Variants in CSMD1 observed in about 807,000 individuals in gnomAD.
The protein encoded by CSMD1 is CUB and sushi domain-containing protein 1.
CSMD1 carries 213 observed loss-of-function variants against 417.5 expected under a neutral mutation model. The ratio of observed to expected loss-of-function variants is 0.51; its 90% CI spans 0.46 to 0.57. The LOEUF is 0.57. Ranked by LOEUF, CSMD1 falls within the 20% of genes least tolerant of loss-of-function variation. The probability of loss-of-function intolerance (pLI) is 0.00; values close to 1 mark genes in which losing one functional copy is unlikely to be tolerated. For synonymous variants in CSMD1, 2,862 were observed against 1,736.8 expected (o/e 1.65, Z -16.11); for missense variants, 6,923 against 4,529.7 (o/e 1.53, Z -15.17).
chr8:4,032,401 C>A (rs188633024), intron 3 of CSMD1, among the ~76,000 whole-genome samples: 1 of 151,832 alleles, frequency 6.6e-6, no homozygotes, highest in East Asian at 1.9e-4. Flanking sequence ...TTTCTAGTCA[C>A]AAAATTCTAC....
intron 10 of CSMD1, among the ~76,000 whole-genome samples, chr8:3,517,833 G>T (rs113961300): frequency 6.6e-6 from 1 of 152,042 alleles, no homozygotes; most frequent in East Asian, 1.9e-4. Flanking sequence ...AACACCCAAC[G>T]ACCCATCCTA....
chr8:4,611,344 T>C (rs1801157394), intron 2 of CSMD1, among the ~76,000 whole-genome samples: 1 of 152,216 alleles, frequency 6.6e-6, no homozygotes, highest in South Asian at 2.1e-4. Context: ...CAAAGCTCAC[T>C]TCATGGTTAT....
chr8:4,242,172 G>A (rs1033187472), intron 3 of CSMD1, among the ~76,000 whole-genome samples: 3 of 152,086 alleles, frequency 2.0e-5, no homozygotes, highest in African/African-American at 4.8e-5. Context: ...ATCCTTCTCA[G>A]AATGGTATAT....
At chr8:4,694,414 T>A (rs1382541302) in intron 1 of CSMD1, among the ~76,000 whole-genome samples, 4 of 152,028 alleles carry the variant, frequency 2.6e-5, no homozygotes, top group Non-Finnish European at 5.9e-5. Flanking sequence ...TGCAGTCGTG[T>A]GATCTTGGGT....
At chr8:2,998,846 G>C (rs936147899) in intron 53 of CSMD1, among the ~76,000 whole-genome samples, 6 of 152,148 alleles carry the variant, frequency 3.9e-5, no homozygotes, top group Non-Finnish European at 8.8e-5. Context: ...TAAAACTGGT[G>C]TTTTCTTCCT....
At chr8:4,385,562 A>G (rs1343906425) in intron 3 of CSMD1, among the ~76,000 whole-genome samples, 1 of 152,180 alleles carries the variant, frequency 6.6e-6, no homozygotes, top group Non-Finnish European at 1.5e-5. Flanking sequence ...GCACATTACT[A>G]CAGTGTATTG....
chr8:2,987,962 G>A (rs2721284), intron 54 of CSMD1, among the ~76,000 whole-genome samples: 1,957 of 136,958 alleles, frequency 0.014, 39 homozygotes, highest in African/African-American at 0.049. Flanking sequence ...GTGTACCATG[G>A]GGGTTGGCTG....
intron 7 of CSMD1, among the ~76,000 whole-genome samples, chr8:3,620,003 G>A (rs540467488): frequency 6.6e-6 from 1 of 152,290 alleles, no homozygotes; most frequent in East Asian, 1.9e-4. Flanking sequence ...TTGGGAGGCT[G>A]AGACAGGAGA....
rs556696111 is a variant in CSMD1 at position 4,902,837 on chromosome 8, ATATTTT to A, written c.85+91489_85+91494del. ...TTTCACAAAATATACATACATACAC[ATATTTT>A]TATTTTTATCATTTATGTTTTTTCT... On this transcript the variant is annotated intron_variant, in intron 1 of 69. Transcript: ENST00000635120. 5.1e-3 allele frequency among the ~76,000 whole-genome samples: 769 copies of A among 152,076 alleles called. 5 individuals carry two copies. The highest frequency in any genetic ancestry group is 0.018 in the African/African-American group (740 of 41,534).
chr8:3,426,692 A>T (rs1416166415), intron 12 of CSMD1, among the ~76,000 whole-genome samples: 1 of 152,220 alleles, frequency 6.6e-6, no homozygotes, highest in African/African-American at 2.4e-5. Flanking sequence ...CTTACATTAC[A>T]AACCACTAAG....
At chr8:4,451,542 G>T (rs184996081) in intron 2 of CSMD1, among the ~76,000 whole-genome samples, 1 of 152,174 alleles carries the variant, frequency 6.6e-6, no homozygotes, top group African/African-American at 2.4e-5. Flanking sequence ...AGTGACTCTG[G>T]AAAGGTAAAG....
intron 5 of CSMD1, among the ~76,000 whole-genome samples, chr8:3,906,687 T>A (rs1416803990): frequency 6.6e-6 from 1 of 152,034 alleles, no homozygotes; most frequent in African/African-American, 2.4e-5. Flanking sequence ...ATAACTATGT[T>A]TTATGTAAAA....
intron 1 of CSMD1, among the ~76,000 whole-genome samples, chr8:4,929,187 G>A (rs55755064): frequency 0.21 from 31,600 of 152,114 alleles, 3,501 homozygotes; most frequent in East Asian, 0.33. Flanking sequence ...CCTGCAAAGG[G>A]AACAGAGCAC....
intron 2 of CSMD1, among the ~76,000 whole-genome samples, chr8:4,632,774 T>A (rs571142978): frequency 6.6e-6 from 1 of 152,264 alleles, no homozygotes; most frequent in Admixed American, 6.5e-5. Context: ...TTGTTTGGAA[T>A]GCCTAGGGAA....
Position 3,708,460 on chromosome 8 carries a change from T to C in CSMD1, c.963A>G (p.Gly321=), listed in dbSNP as rs1173967437. The change falls in exon 7 of 70, where the codon GGA becomes GGG. Residue 321 remains glycine, a synonymous_variant. Coordinates refer to ENST00000635120, the MANE Select transcript of CSMD1 (RefSeq NM_033225.6). ...CATCCTTGCTGGGCAGCATCTTGAC[T>C]CCTCTTGACTTCAACTCAATCGCCT... ...VKKAIELKSR[G]VKMLPSKDGS... The C allele has an allele frequency of 6.2e-7, 1 of 1,613,782 alleles. No individual in the cohort carries two copies. The highest frequency in any genetic ancestry group is 1.3e-5 in the African/African-American group (1 of 74,876).
intron 48 of CSMD1, among the ~76,000 whole-genome samples, chr8:3,090,410 T>C (rs527865270): frequency 6.6e-5 from 10 of 152,164 alleles, no homozygotes; most frequent in South Asian, 2.1e-4. Context: ...CATCGATGTC[T>C]TTGCAGCAAA....
At chr8:4,179,232 A>G (rs1798221120) in intron 3 of CSMD1, among the ~76,000 whole-genome samples, 2 of 151,628 alleles carry the variant, frequency 1.3e-5, no homozygotes, top group African/African-American at 4.9e-5. Context: ...AAACAGAGAT[A>G]TAAATCAATG....
At chr8:4,717,913 A>G (rs1409079121) in intron 1 of CSMD1, among the ~76,000 whole-genome samples, 2 of 152,222 alleles carry the variant, frequency 1.3e-5, no homozygotes, top group Non-Finnish European at 2.9e-5. Context: ...TAAAGTATTG[A>G]TACAGAAGAA....
At chr8:3,304,013 G>A (rs913600269) in intron 25 of CSMD1, among the ~76,000 whole-genome samples, 1 of 152,082 alleles carries the variant, frequency 6.6e-6, no homozygotes, top group Non-Finnish European at 1.5e-5. Flanking sequence ...TATATAAGCA[G>A]AAGTTGCTCT....
Sources: allele counts gnomAD v4.1 joint callset (sites outside exome capture counted in the v4.1 genomes callset), GRCh38; gene constraint gnomAD v4.1.1; transcripts MANE v1.5; gene names NCBI Gene and HGNC (gene_info 2026-07-23, HGNC 2026-07-21).